The following GULP1 variants were observed in gnomAD, a reference collection of about 807,000 sequenced individuals.
GULP1 encodes the protein PTB domain-containing engulfment adapter protein 1.
A neutral mutation model predicts 40.9 loss-of-function variants in GULP1; 19 were observed. That is an observed-to-expected ratio of 0.46 (90% confidence interval 0.32 to 0.68). GULP1 has a LOEUF of 0.68. GULP1 is among the 30% of genes least tolerant of loss of function. The pLI is 0.03. For synonymous variants in GULP1, 119 were observed against 117.6 expected, an observed-to-expected ratio of 1.01 and a Z score of -0.08; for missense variants, 312 against 362.2, an observed-to-expected ratio of 0.86 and a Z score of 1.12.
chr2:188,541,413 A>G, intron 7 of GULP1, 95 bp downstream of exon 7: 1 of 1,016,190 alleles, frequency 9.8e-7, no homozygotes, highest in Non-Finnish European at 1.6e-6. Context: ...AAAATGAATA[A>G]TTTTCTGTAA....
intron 4 of GULP1, among the ~76,000 whole-genome samples, chr2:188,503,834 G>A (rs984344957): frequency 1.3e-5 from 2 of 151,766 alleles, no homozygotes; most frequent in Admixed American, 6.6e-5. Flanking sequence ...AACTAGTAAC[G>A]CTACCATCTT....
At chr2:188,452,518 A>G (rs1418362293) in intron 2 of GULP1, among the ~76,000 whole-genome samples, 3 of 152,228 alleles carry the variant, frequency 2.0e-5, no homozygotes, top group Non-Finnish European at 2.9e-5. Context: ...TTTTCATTTT[A>G]TCTTCTGCAA....
intron 1 of GULP1, among the ~76,000 whole-genome samples, chr2:188,298,300 C>A (rs1275755878): frequency 2.6e-5 from 3 of 117,566 alleles, no homozygotes; most frequent in Non-Finnish European, 4.4e-5. Context: ...TTAGAAAGAA[C>A]AATTGCATAA....
At chr2:188,303,006 C>T (rs551077476) in intron 1 of GULP1, among the ~76,000 whole-genome samples, 7 of 152,236 alleles carry the variant, frequency 4.6e-5, no homozygotes, top group African/African-American at 7.2e-5. Flanking sequence ...ATGGTCCCAA[C>T]GCCTGTTATG....
chr2:188,294,425 C>G (rs901594345), intron 1 of GULP1: 3 of 152,088 alleles, frequency 2.0e-5, no homozygotes, highest in East Asian at 3.9e-4. Flanking sequence ...ACACATTTGC[C>G]CTTTACTGCT....
intron 11 of GULP1, chr2:188,590,319 A>G (rs925329270): frequency 6.6e-6 from 1 of 152,142 alleles, no homozygotes; most frequent in East Asian, 1.9e-4. Flanking sequence ...GGTCACTTTA[A>G]CAAAAGTAAA....
intron 2 of GULP1, among the ~76,000 whole-genome samples, chr2:188,406,732 T>C (rs2053166896): frequency 6.6e-6 from 1 of 151,476 alleles, no homozygotes; most frequent in Admixed American, 6.6e-5. Flanking sequence ...TGGGACAGCA[T>C]CAGAAGAACA....
At chr2:188,533,001 G>C (rs992218336) in intron 6 of GULP1, among the ~76,000 whole-genome samples, 1 of 152,078 alleles carries the variant, frequency 6.6e-6, no homozygotes, top group African/African-American at 2.4e-5. Context: ...TATCTGTTTG[G>C]TTTTTCTTCC....
intron 2 of GULP1, among the ~76,000 whole-genome samples, chr2:188,443,205 C>CG (rs1003104258): frequency 6.9e-6 from 1 of 144,840 alleles, no homozygotes; most frequent in Non-Finnish European, 1.5e-5. Context: ...TGGGGGTTGG[C>CG]GGGGGGTTCA....
chr2:188,556,964 C>T (rs143512830), intron 7 of GULP1, among the ~76,000 whole-genome samples: 3,169 of 151,686 alleles, frequency 0.021, 103 homozygotes, highest in African/African-American at 0.073. Context: ...GCGGAGCTTG[C>T]AGTGAGCCTA....
intron 7 of GULP1, among the ~76,000 whole-genome samples, chr2:188,553,230 G>C (rs1358173601): frequency 6.6e-6 from 1 of 151,924 alleles, no homozygotes; most frequent in East Asian, 1.9e-4. Context: ...GAATAGGAGT[G>C]ATGAAGGTGG....
chr2:188,434,337 T>A (rs2057203359), intron 2 of GULP1, among the ~76,000 whole-genome samples: 1 of 151,788 alleles, frequency 6.6e-6, no homozygotes, highest in Non-Finnish European at 1.5e-5. Context: ...CTTTTTTTTT[T>A]AATTTTAAAA....
chr2:188,343,428 A>G (rs1314984386), intron 1 of GULP1, among the ~76,000 whole-genome samples: 1 of 152,232 alleles, frequency 6.6e-6, no homozygotes, highest in Non-Finnish European at 1.5e-5. Flanking sequence ...TAACTGAACA[A>G]TAAAAGCTTG....
At chr2:188,401,406 A>T (rs2052275662) in intron 2 of GULP1, among the ~76,000 whole-genome samples, 1 of 152,058 alleles carries the variant, frequency 6.6e-6, no homozygotes, top group South Asian at 2.1e-4. Context: ...TTATTTATGT[A>T]TTTATTTTTA....
chr2:188,341,894 G>C (rs1303142551), intron 1 of GULP1, among the ~76,000 whole-genome samples: 1 of 152,118 alleles, frequency 6.6e-6, no homozygotes, highest in Non-Finnish European at 1.5e-5. Flanking sequence ...TCTACAACTT[G>C]TGGTTTGTAT....
At chr2:188,377,732 T>G (rs2048474930) in intron 1 of GULP1, among the ~76,000 whole-genome samples, 1 of 152,170 alleles carries the variant, frequency 6.6e-6, no homozygotes, top group African/African-American at 2.4e-5. Context: ...AAGAAAAAAT[T>G]GTGCAGAAAG....
At chr2:188,344,957 A>C (rs887121253) in intron 1 of GULP1, among the ~76,000 whole-genome samples, 1 of 152,150 alleles carries the variant, frequency 6.6e-6, no homozygotes, top group Non-Finnish European at 1.5e-5. Flanking sequence ...TAAAAAAAGT[A>C]TAGCTTTGTT....
At chr2:188,535,813 A>G (rs1045626763) in intron 6 of GULP1, among the ~76,000 whole-genome samples, 1 of 152,198 alleles carries the variant, frequency 6.6e-6, no homozygotes, top group African/African-American at 2.4e-5. Context: ...ATTCCCACCA[A>G]TAGTGTATAA....
chr2:188,301,181 A>T (rs1310838094), intron 1 of GULP1, among the ~76,000 whole-genome samples: 5 of 152,068 alleles, frequency 3.3e-5, no homozygotes, highest in African/African-American at 1.2e-4. Flanking sequence ...TGCATGGCTA[A>T]TTTTTAAATT....
Sources: allele counts gnomAD v4.1 joint callset (sites outside exome capture counted in the v4.1 genomes callset), GRCh38; gene constraint gnomAD v4.1.1; transcripts MANE v1.5; gene names NCBI Gene and HGNC (gene_info 2026-07-23, HGNC 2026-07-21).